MPRIP: variants seen among roughly 807,000 people sequenced by gnomAD.
MPRIP encodes myosin phosphatase Rho-interacting protein.
In MPRIP, 59 loss-of-function variants were observed where a neutral mutation model predicts 234.9. That is an observed-to-expected ratio of 0.25 (90% CI 0.20 to 0.31). The LOEUF is 0.31. Ranked by LOEUF, MPRIP falls within the 10% of genes least tolerant of loss-of-function variation. MPRIP has a pLI of 1.00. For synonymous variants in MPRIP, 1,144 were observed against 1,263.9 expected, an observed-to-expected ratio of 0.91 and a Z score of 2.01; for missense variants, 2,436 against 3,071.0, an observed-to-expected ratio of 0.79 and a Z score of 4.89.
chr17:17,092,513 G>A (rs1185052963), intron 3 of MPRIP, among the ~76,000 whole-genome samples: 1 of 152,152 alleles, frequency 6.6e-6, no homozygotes, highest in Non-Finnish European at 1.5e-5. Context: ...GGACGGAGAG[G>A]CCAGAGCCCA....
At chr17:17,159,900 TACC>T (rs1333193507) in intron 14 of MPRIP, among the ~76,000 whole-genome samples, 3 of 152,248 alleles carry the variant, frequency 2.0e-5, no homozygotes, top group Non-Finnish European at 4.4e-5. Flanking sequence ...GAGGCTGAGT[TACC>T]ACCAGCACTA....
chr17:17,096,304 TG>T (rs2089842762), intron 3 of MPRIP, among the ~76,000 whole-genome samples: 1 of 98,308 alleles, frequency 1.0e-5, no homozygotes, highest in Non-Finnish European at 2.0e-5. Context: ...TGTGTGTGTG[TG>T]TGTGTGTGTG....
chr17:17,079,685 A>G (rs2089418297), intron 3 of MPRIP, among the ~76,000 whole-genome samples: 1 of 152,230 alleles, frequency 6.6e-6, no homozygotes, highest in African/African-American at 2.4e-5. Flanking sequence ...CAAAAAAACA[A>G]AGTTCCCTGC....
At position 17,138,094 on chromosome 17, in the gene MPRIP, G is replaced by A. The variant is rs771897084; in HGVS notation, c.915G>A (p.Ser305=). ...TPNHRYSCPE[S]PSQELGGPLP... is the part of the protein sequence containing the mutation. ...ACCACAGGTACAGTTGCCCCGAGTC[G>A]CCCTCCCAGGAGCTCGGTGGTCCTC... The change falls in exon 7 of 24, where the codon TCG becomes TCA. Residue 305 remains serine, a synonymous_variant. Coordinates refer to ENST00000651222, the MANE Select transcript of MPRIP (RefSeq NM_001364716.4). The surrounding 1 kb of genome is among the most constrained non-coding windows in gnomAD (Gnocchi z 5.8). 8.4e-6 allele frequency: 13 copies of A among 1,550,746 alleles called. No homozygotes were observed. Among genetic ancestry groups the A allele is most frequent in the South Asian group, 4.8e-5 (4 of 82,750 alleles).
intron 12 of MPRIP, among the ~76,000 whole-genome samples, chr17:17,153,863 G>A (rs776961189): frequency 6.6e-6 from 1 of 152,068 alleles, no homozygotes; most frequent in Non-Finnish European, 1.5e-5. Flanking sequence ...GCCTGTGTGA[G>A]TGCAGACTGC....
intron 4 of MPRIP, among the ~76,000 whole-genome samples, chr17:17,128,232 C>G (rs1377231118): frequency 6.6e-6 from 1 of 152,184 alleles, no homozygotes; most frequent in East Asian, 1.9e-4. Flanking sequence ...AACCCTCACC[C>G]TTTCCACAGG....
chr17:17,128,480 C>A (rs2090535771), intron 4 of MPRIP, among the ~76,000 whole-genome samples: 1 of 152,322 alleles, frequency 6.6e-6, no homozygotes, highest in South Asian at 2.1e-4. Flanking sequence ...TGGGTCACTT[C>A]TCTGCTCTCT....
At chr17:17,100,122 C>A (rs4985696) in intron 3 of MPRIP, among the ~76,000 whole-genome samples, 114,653 of 152,042 alleles carry the variant, frequency 0.75, 43,526 homozygotes, top group East Asian at 0.99. Context: ...TCCTGGACGG[C>A]GGGTTGAATA....
chr17:17,060,967 T>G lies in MPRIP; in HGVS notation c.124-14743T>G, dbSNP rs897300344. ...AACACAGGACAAGCCTGTGGCCTCT[T>G]GAGGGGTCTGCAGTGGTGACCAGTG... On this transcript the variant is annotated intron_variant, in intron 1 of 23. Transcript: ENST00000651222. Among the ~76,000 whole-genome samples the G allele has an allele frequency of 2.6e-5, 4 of 152,334 alleles. No individual in the cohort carries two copies. The East Asian group carries it at 5.8e-4, about 22-fold the overall frequency.
chr17:17,180,764 A>G lies in MPRIP; in HGVS notation c.7206+676A>G, dbSNP rs572460711. On this transcript the variant is annotated intron_variant, in intron 23 of 23. Transcript: ENST00000651222. ...CTTTATTTCAATTCATCCTGCTCCAACAAACACATACCAAATCCAAGTGAG... is the reference window on the plus strand; with the variant it reads ...CTTTATTTCAATTCATCCTGCTCCAGCAAACACATACCAAATCCAAGTGAG... The G allele has an allele frequency of 3.8e-4, 476 of 1,269,316 alleles. 1 individual carries two copies. The highest frequency in any genetic ancestry group is 3.4e-3 in the Middle Eastern group (18 of 5,360). 78.6% of individuals were successfully genotyped at this position (1,269,316 alleles called of 1,614,324 possible).
chr17:17,130,173 G>A (rs1479164338), intron 4 of MPRIP, among the ~76,000 whole-genome samples: 2 of 152,170 alleles, frequency 1.3e-5, no homozygotes, highest in Admixed American at 6.5e-5. Context: ...ATCACTGGCT[G>A]TGGGCTGAGC....
chr17:17,095,713 C>T (rs889899053), intron 3 of MPRIP, among the ~76,000 whole-genome samples: 26 of 152,140 alleles, frequency 1.7e-4, no homozygotes, highest in Admixed American at 1.6e-3. Context: ...ATTCTCTGGC[C>T]AGAGCCAAGC....
At position 17,158,641 on chromosome 17, in the gene MPRIP, G is replaced by T; in HGVS notation, c.2039G>T (p.Gly680Val). ...QQALAQERVGGVGPADTHEPL... is the reference protein window; with the variant it reads ...QQALAQERVGVVGPADTHEPL... Reference sequence around the variant, plus strand: ...GCCCTGGCTCAGGAGCGGGTGGGCGGCGTGGGGCCTGCTGACACCCACGAG... The same window carrying T: ...GCCCTGGCTCAGGAGCGGGTGGGCGTCGTGGGGCCTGCTGACACCCACGAG... Residue 680 changes from glycine (G) to valine (V), a missense_variant, in exon 14 of 24, where the codon GGC (glycine) becomes GTC (valine). Transcript: ENST00000651222. The T allele has an allele frequency of 6.2e-7, 1 of 1,601,384 alleles. No homozygotes were observed. Among genetic ancestry groups the T allele is most frequent in the Non-Finnish European group, 8.5e-7 (1 of 1,174,672 alleles).
chr17:17,164,779 C>G lies in MPRIP; in HGVS notation c.3188C>G (p.Thr1063Ser). Residue 1063 changes from threonine (T) to serine (S), a missense_variant, in exon 16 of 24, where the codon ACC becomes AGC. Transcript: ENST00000651222. ...QLQGQAQQVE[T>S]LQKEKLSATF... is the part of the protein sequence containing the mutation. ...CAGGGTCAGGCACAGCAGGTGGAGA[C>G]CCTGCAGAAGGAGAAGCTGAGCGCC... 2 of 1,304,204 alleles carry G rather than the reference C, an allele frequency of 1.5e-6. No homozygotes were observed. The highest frequency in any genetic ancestry group is 2.0e-6 in the Non-Finnish European group (2 of 988,934). 80.8% of individuals were successfully genotyped at this position (1,304,204 alleles called of 1,614,324 possible).
chr17:17,162,870 G>C (rs78647096), intron 15 of MPRIP, among the ~76,000 whole-genome samples: 4,092 of 152,290 alleles, frequency 0.027, 108 homozygotes, highest in East Asian at 0.12. Context: ...AACAGTTCTT[G>C]TCCCAAGTAT....
At chr17:17,171,392 AG>A in intron 16 of MPRIP, 1 of 250,528 alleles carries the variant, frequency 4.0e-6, no homozygotes, top group East Asian at 9.3e-5. Flanking sequence ...AGGAAGGTCC[AG>A]GGTTGGCTGG....
chr17:17,180,594 T>A, intron 23 of MPRIP: 1 of 1,612,370 alleles, frequency 6.2e-7, no homozygotes. Flanking sequence ...ATGTCTGCTC[T>A]CTCCTCTGAC....
Position 17,166,637 on chromosome 17 carries a change from G to A in MPRIP, c.5046G>A (p.Ser1682=), listed in dbSNP as rs185225267. 37 of 1,304,092 alleles carry A rather than the reference G, an allele frequency of 2.8e-5. No individual in the cohort carries two copies. The East Asian group carries it at 4.4e-4, about 16-fold the overall frequency. 80.8% of individuals were successfully genotyped at this position (1,304,092 alleles called of 1,614,324 possible). A position where few individuals can be genotyped will look rare whatever the true frequency, so the allele number is the denominator to read the frequency against. The part of the protein sequence containing the change: ...LSFATQSVRE[S]FHRRLQSIQE... ...TTGCCACACAGTCAGTGAGGGAGTC[G>A]TTCCACCGCAGGCTACAGAGCATCC... Residue 1682 remains serine (S), a synonymous_variant, in exon 16 of 24, where the codon TCG becomes TCA. Coordinates refer to ENST00000651222, the MANE Select transcript of MPRIP (RefSeq NM_001364716.4). This position sits in a 1 kb window ranked among gnomAD's most constrained non-coding sequence, Gnocchi z 4.4.
intron 3 of MPRIP, among the ~76,000 whole-genome samples, chr17:17,101,599 C>T (rs941381493): frequency 1.5e-4 from 21 of 143,572 alleles, no homozygotes; most frequent in African/African-American, 5.0e-4. Flanking sequence ...ACAACAACAA[C>T]AAAAAAAATA....
Sources: allele counts gnomAD v4.1 joint callset (sites outside exome capture counted in the v4.1 genomes callset), GRCh38; gene constraint gnomAD v4.1.1; non-coding constraint Gnocchi (gnomAD v3.1); transcripts MANE v1.5; gene names NCBI Gene and HGNC (gene_info 2026-07-23, HGNC 2026-07-21).